MARK4: variants seen among roughly 807,000 people sequenced by gnomAD.
MARK4 encodes MAP/microtubule affinity-regulating kinase 4.
Under a neutral mutation model 81.5 loss-of-function variants are expected in MARK4, and 19 were observed. The ratio of observed to expected loss-of-function variants is 0.23; its 90% confidence interval spans 0.16 to 0.34. The LOEUF (loss-of-function observed/expected upper bound fraction) is 0.34. Ranked by LOEUF, MARK4 falls within the 10% of genes least tolerant of loss-of-function variation. The pLI is 1.00. For synonymous variants in MARK4, 436 were observed against 439.0 expected (o/e 0.99, Z 0.08); for missense variants, 772 against 1,058.8 (o/e 0.73, Z 3.76).
chr19:45,291,060 A>G (rs1488932886), intron 13 of MARK4, among the ~76,000 whole-genome samples: 1 of 152,170 alleles, frequency 6.6e-6, no homozygotes, highest in African/African-American at 2.4e-5. Context: ...GGATAAGTAC[A>G]AATTCATGCC....
At chr19:45,298,118 C>T in intron 15 of MARK4, 164 bp downstream of exon 15, 1 of 1,611,304 alleles carries the variant, frequency 6.2e-7, no homozygotes. Flanking sequence ...CCCTGTCACC[C>T]CTCACCTCCC....
In MARK4 at chr19:45,286,838, TTTTTGC is replaced by T. The variant is rs530388992; in HGVS notation, c.1277-603_1277-598del. On this transcript the variant is annotated intron_variant, in intron 12 of 16. Coordinates refer to ENST00000262891, the MANE Select transcript of MARK4 (RefSeq NM_001199867.2). ...AAGCAAGTAGATATAGATACACACT[TTTTTGC>T]TTTTGTAGACAAATGATAACACATT... Among the ~76,000 whole-genome samples, 20 of 152,304 alleles carry T rather than the reference TTTTTGC, an allele frequency of 1.3e-4. No homozygotes were observed. The East Asian group carries it at 3.5e-3, about 26-fold the overall frequency.
At chr19:45,285,295 C>T (rs1599795809) in intron 12 of MARK4, among the ~76,000 whole-genome samples, 1 of 151,542 alleles carries the variant, frequency 6.6e-6, no homozygotes, top group East Asian at 1.9e-4. Context: ...AGAATCCAGC[C>T]CAAGTGTTAG....
At chr19:45,288,849 C>CAAAAA (rs34269496) in intron 13 of MARK4, among the ~76,000 whole-genome samples, 10 of 102,972 alleles carry the variant, frequency 9.7e-5, no homozygotes, top group African/African-American at 1.6e-4. Context: ...GACTCTGTCT[C>CAAAAA]AAAAAAAAAA....
chr19:45,251,725 C>G lies in MARK4; in HGVS notation c.51+86C>G, dbSNP rs941783143. On this transcript the variant is annotated intron_variant, in intron 1 of 16. Coordinates refer to ENST00000262891, the MANE Select transcript of MARK4 (RefSeq NM_001199867.2). Reference sequence around the variant, plus strand: ...CCGTTGTACCCCTCGCCCCGCGAGCCCCTACCCTCGTTTCCTGGGCCCGAC... The same window carrying G: ...CCGTTGTACCCCTCGCCCCGCGAGCGCCTACCCTCGTTTCCTGGGCCCGAC... The G allele has an allele frequency of 8.3e-5, 108 of 1,298,646 alleles. 1 individual carries two copies. The East Asian group carries it at 3.2e-3, about 39-fold the overall frequency. 80.4% of individuals were successfully genotyped at this position (1,298,646 alleles called of 1,614,324 possible).
rs1599773645 is a variant in MARK4, at chr19:45,251,789, C to T, written c.51+150C>T. ...TCTCGACCCCTCCCGGACTTCCAGGCCTCTCCACCCTCCCCACCTTTTCCA... is the reference window on the plus strand; with the variant it reads ...TCTCGACCCCTCCCGGACTTCCAGGTCTCTCCACCCTCCCCACCTTTTCCA... On this transcript the variant is annotated intron_variant, in intron 1 of 16. Transcript: ENST00000262891. 14 of 667,064 alleles carry T rather than the reference C, an allele frequency of 2.1e-5. No homozygotes were observed. The East Asian group carries it at 4.5e-4, about 21-fold the overall frequency. 41.3% of individuals were successfully genotyped at this position (667,064 alleles called of 1,614,324 possible).
chr19:45,255,705 G>A (rs755195228), intron 1 of MARK4, among the ~76,000 whole-genome samples: 3 of 152,150 alleles, frequency 2.0e-5, no homozygotes, highest in Non-Finnish European at 4.4e-5. Flanking sequence ...TTAATTAAAC[G>A]TTAGTTGTCG....
intron 12 of MARK4, among the ~76,000 whole-genome samples, chr19:45,286,040 G>A (rs1970738090): frequency 6.6e-6 from 1 of 152,132 alleles, no homozygotes; most frequent in Non-Finnish European, 1.5e-5. Flanking sequence ...TGCAGCAACT[G>A]TTACGGTTTT....
chr19:45,273,623 G>T (rs1970560776), intron 8 of MARK4, among the ~76,000 whole-genome samples: 1 of 152,098 alleles, frequency 6.6e-6, no homozygotes, highest in Non-Finnish European at 1.5e-5. Context: ...TGTCTTTCAT[G>T]ACATTGACAT....
rs1599773293 is a variant in MARK4 at position 45,251,420 on chromosome 19, T to G, written c.-169T>G. ...GGGCCACTAGGACCCTCGGCGTCCC[T>G]TCCCCTCCCCCGCCCTGCCCCCTCT... On this transcript the variant is annotated 5_prime_UTR_variant, in exon 1 of 17. Transcript: ENST00000262891. 2 of 237,146 alleles carry G rather than the reference T, an allele frequency of 8.4e-6. No individual in the cohort carries two copies. Among genetic ancestry groups the G allele is most frequent in the Non-Finnish European group, 1.5e-5 (2 of 130,770 alleles). 14.7% of individuals were successfully genotyped at this position (237,146 alleles called of 1,614,324 possible). A position where few individuals can be genotyped will look rare whatever the true frequency, so the allele number is the denominator to read the frequency against.
At chr19:45,293,375 G>T (rs1365213836) in intron 13 of MARK4, among the ~76,000 whole-genome samples, 1 of 152,182 alleles carries the variant, frequency 6.6e-6, no homozygotes, top group Non-Finnish European at 1.5e-5. Flanking sequence ...GGGGAACTTT[G>T]TTCTAACATT....
chr19:45,297,847 GC>G lies in MARK4; in HGVS notation c.1775del (p.Pro592LeufsTer28). 1 of 1,548,028 alleles carries G rather than the reference GC, an allele frequency of 6.5e-7. No homozygotes were observed. Among genetic ancestry groups the G allele is most frequent in the Non-Finnish European group, 8.7e-7 (1 of 1,146,324 alleles). On this transcript the variant is annotated frameshift_variant, in exon 15 of 17. Transcript: ENST00000262891. LOFTEE classifies it high-confidence loss of function. ...GGGGTGGTGGGGGTGTGCAGAATGG[GC>G]CCCCTGCCTCTCCCACACTGGCCCA... Reference protein sequence around the residue: ...GGGGGGVQNGPPASPTLAHEA... With the variant: ...GGGGGGVQNGXPASPTLAHEA...
At chr19:45,293,078 G>A (rs1282513361) in intron 13 of MARK4, among the ~76,000 whole-genome samples, 1 of 152,142 alleles carries the variant, frequency 6.6e-6, no homozygotes, top group Non-Finnish European at 1.5e-5. Context: ...GACCAGCCTG[G>A]CCAGCATGGT....
intron 14 of MARK4, 72 bp downstream of exon 14, chr19:45,294,524 A>G: frequency 7.6e-7 from 1 of 1,323,728 alleles, no homozygotes; most frequent in Non-Finnish European, 1.1e-6. Context: ...CCTTGATCTG[A>G]GATGATAGGC....
At chr19:45,257,988 CTTT>C (rs750146000) in intron 1 of MARK4, among the ~76,000 whole-genome samples, 19 of 131,640 alleles carry the variant, frequency 1.4e-4, no homozygotes, top group Non-Finnish European at 1.6e-4. Flanking sequence ...CATGCCTGGC[CTTT>C]TTTTTTTTTT....
intron 16 of MARK4, among the ~76,000 whole-genome samples, chr19:45,301,327 G>T (rs1178376477): frequency 6.6e-6 from 1 of 152,108 alleles, no homozygotes; most frequent in Non-Finnish European, 1.5e-5. Context: ...ACTTTGGGAG[G>T]CCAAGGCAGG....
intron 12 of MARK4, among the ~76,000 whole-genome samples, chr19:45,284,680 C>T (rs1970719868): frequency 6.6e-6 from 1 of 152,160 alleles, no homozygotes. Context: ...GGGCTGAGTG[C>T]AGTGGCTTAC....
At chr19:45,261,524 G>C (rs998401605) in intron 2 of MARK4, among the ~76,000 whole-genome samples, 1 of 152,220 alleles carries the variant, frequency 6.6e-6, no homozygotes, top group African/African-American at 2.4e-5. Context: ...GAGAATATGA[G>C]GAAAGCTAAG....
At position 45,251,566 on chromosome 19, in the gene MARK4, CT is replaced by C; in HGVS notation, c.-22del. On this transcript the variant is annotated 5_prime_UTR_variant, in exon 1 of 17. Transcript: ENST00000262891. ...CCCCGCCCCCCCCACCCGGCCGCCC[CT>C]GCCCCCCGGGACCCGGAGAAGATGT... 7.6e-7 allele frequency: 1 copy of C among 1,318,104 alleles called. No individual in the cohort carries two copies. Among genetic ancestry groups the C allele is most frequent in the Non-Finnish European group, 9.9e-7 (1 of 1,013,188 alleles). 81.7% of individuals were successfully genotyped at this position (1,318,104 alleles called of 1,614,324 possible).
Sources: gnomAD v4.1 joint callset for allele counts (sites outside exome capture counted in the v4.1 genomes callset) on GRCh38, gnomAD v4.1.1 for gene constraint, MANE v1.5 for transcripts, NCBI Gene and HGNC (gene_info 2026-07-23, HGNC 2026-07-21) for gene names.